Variants in LHFPL5 observed in about 807,000 individuals in gnomAD.
LHFPL5 encodes the protein LHFPL tetraspan subfamily member 5, also known as LHFPL tetraspan subfamily member 5 protein.
Under a neutral mutation model 18.7 loss-of-function variants are expected in LHFPL5, and 12 were observed. The ratio of observed to expected loss-of-function variants is 0.64; its 90% CI spans 0.41 to 1.04. The LOEUF is 1.04. Among genes scored for constraint, LHFPL5 ranks in the 50% least tolerant of loss-of-function variants. The pLI is 0.00. For missense variants in LHFPL5, 259 were observed against 292.1 expected, an observed-to-expected ratio of 0.89 and a Z score of 0.83; for synonymous variants, 111 against 120.2, an observed-to-expected ratio of 0.92 and a Z score of 0.50.
intron 2 of LHFPL5, among the ~76,000 whole-genome samples, chr6:35,818,351 ATTTTTTTT>A (rs766409391): frequency 1.8e-4 from 19 of 106,916 alleles, no homozygotes; most frequent in African/African-American, 3.8e-4. Flanking sequence ...ATATATATGT[ATTTTTTTT>A]TTTTTTTTTT....
chr6:35,816,301 G>A (rs577333804), intron 2 of LHFPL5, among the ~76,000 whole-genome samples: 274 of 145,424 alleles, frequency 1.9e-3, no homozygotes, highest in Middle Eastern at 3.8e-3. Flanking sequence ...AGCTGAGATC[G>A]CGCCACTGCA....
At position 35,814,848 on chromosome 6, in the gene LHFPL5, C is replaced by T; in HGVS notation, c.649+66C>T. 7.1e-7 allele frequency: 1 copy of T among 1,408,164 alleles called. No homozygotes were observed. Among genetic ancestry groups the T allele is most frequent in the South Asian group, 1.2e-5 (1 of 86,720 alleles). 87.2% of individuals were successfully genotyped at this position (1,408,164 alleles called of 1,614,324 possible). A position where few individuals can be genotyped will look rare whatever the true frequency, so the allele number is the denominator to read the frequency against. On this transcript the variant is annotated intron_variant, in intron 2 of 3. Transcript: ENST00000360215. The surrounding 1 kb of genome is among the most constrained non-coding windows in gnomAD (Gnocchi z 4.2). ...CCCTGGGATGTGGGTGGGGGTTCATCTTAGCCAGTCCTCTAAGGCTTGGTC... is the reference window on the plus strand; with the variant it reads ...CCCTGGGATGTGGGTGGGGGTTCATTTTAGCCAGTCCTCTAAGGCTTGGTC...
intron 3 of LHFPL5, among the ~76,000 whole-genome samples, chr6:35,820,424 G>T (rs567870361): frequency 6.6e-6 from 1 of 152,158 alleles, no homozygotes; most frequent in Admixed American, 6.5e-5. Context: ...AAGAGGACCG[G>T]GCGCGGTGAC....
intron 1 of LHFPL5, among the ~76,000 whole-genome samples, chr6:35,809,346 G>A (rs1186911851): frequency 1.3e-5 from 2 of 152,112 alleles, no homozygotes; most frequent in African/African-American, 4.8e-5. Context: ...GGAGCCTGGA[G>A]GTCTGAGATC....
At chr6:35,821,519 T>C (rs1223353979) in intron 3 of LHFPL5, among the ~76,000 whole-genome samples, 1 of 149,680 alleles carries the variant, frequency 6.7e-6, no homozygotes, top group East Asian at 2.0e-4. Context: ...TTCAGTCTTG[T>C]TGCCCAGGCT....
intron 3 of LHFPL5, among the ~76,000 whole-genome samples, chr6:35,821,943 AG>A (rs1453658460): frequency 7.4e-6 from 1 of 134,770 alleles, no homozygotes; most frequent in Non-Finnish European, 1.5e-5. Context: ...GCACAATCAC[AG>A]CTCATTGAAG....
At chr6:35,819,572 C>A in intron 3 of LHFPL5, 109 bp downstream of exon 3, 2 of 1,036,058 alleles carry the variant, frequency 1.9e-6, no homozygotes, top group Non-Finnish European at 3.0e-6. Flanking sequence ...GGCTGTAAGG[C>A]TGTGATGCTG....
Position 35,805,442 on chromosome 6 carries a change from G to A in LHFPL5, c.-229G>A, listed in dbSNP as rs1768552176. The A allele has an allele frequency of 8.8e-6, 5 of 569,242 alleles. No individual in the cohort carries two copies. Among genetic ancestry groups the A allele is most frequent in the Non-Finnish European group, 1.6e-5 (5 of 316,134 alleles). The allele number at this position is 569,242 out of a possible 1,614,324, so 35.3% of individuals were successfully genotyped here. On this transcript the variant is annotated 5_prime_UTR_variant, in exon 1 of 4. Coordinates refer to ENST00000360215, the MANE Select transcript of LHFPL5 (RefSeq NM_182548.4). The surrounding 1 kb of genome is among the most constrained non-coding windows in gnomAD (Gnocchi z 4.3). ...GGGAGGAGGCAGGAGACTGGAGACA[G>A]CCTCGGCTAGAGCGGACACAGGCAC...
intron 3 of LHFPL5, among the ~76,000 whole-genome samples, chr6:35,819,999 G>A (rs935150478): frequency 3.3e-5 from 5 of 151,868 alleles, no homozygotes; most frequent in African/African-American, 4.8e-5. Context: ...CTTGAAAGGC[G>A]GAAAAAGATC....
chr6:35,818,351 ATTTTTTTTT>A (rs766409391), intron 2 of LHFPL5, among the ~76,000 whole-genome samples: 2 of 106,916 alleles, frequency 1.9e-5, no homozygotes, highest in African/African-American at 3.8e-5. Flanking sequence ...ATATATATGT[ATTTTTTTTT>A]TTTTTTTTTT....
At position 35,805,808 on chromosome 6, in the gene LHFPL5, G is replaced by A. The variant is rs1392041588; in HGVS notation, c.138G>A (p.Gln46=). The A allele has an allele frequency of 1.9e-6, 3 of 1,614,206 alleles. No homozygotes were observed. Among genetic ancestry groups the A allele is most frequent in the Non-Finnish European group, 1.7e-6 (2 of 1,180,044 alleles). ...TACTGGTCATGGCCCTCTTCATCCA[G>A]CCCTACTGGATCGGCGACAGCGTCA... ...FSVLVMALFI[Q]PYWIGDSVNT... is the part of the protein sequence containing the mutation. Residue 46 remains glutamine, a synonymous_variant, in exon 1 of 4, where the codon CAG becomes CAA. Transcript: ENST00000360215. The surrounding 1 kb of genome is among the most constrained non-coding windows in gnomAD (Gnocchi z 4.3).
chr6:35,813,792 C>CTTTTTTTT (rs1012092184), intron 1 of LHFPL5, among the ~76,000 whole-genome samples: 2 of 121,538 alleles, frequency 1.6e-5, no homozygotes, highest in African/African-American at 6.6e-5. Context: ...TTTCCTTTTC[C>CTTTTTTTT]TTTTTTTTTT....
Position 35,814,477 on chromosome 6 carries a change from C to A in LHFPL5, c.413-69C>A. ...GGGAGGTGACAACATAACAGCAGTG[C>A]AAGGTGTGGGAGGTAGCGGGCTAGG... On this transcript the variant is annotated intron_variant, in intron 1 of 3. Coordinates refer to ENST00000360215, the MANE Select transcript of LHFPL5 (RefSeq NM_182548.4). The surrounding 1 kb of genome is among the most constrained non-coding windows in gnomAD (Gnocchi z 4.2). 1 of 1,184,714 alleles carries A rather than the reference C, an allele frequency of 8.4e-7. No homozygotes were observed. Among genetic ancestry groups the A allele is most frequent in the Non-Finnish European group, 1.3e-6 (1 of 788,880 alleles). The allele number at this position is 1,184,714 out of a possible 1,614,324, so 73.4% of individuals were successfully genotyped here. A position where few individuals can be genotyped will look rare whatever the true frequency, so the allele number is the denominator to read the frequency against.
Position 35,814,863 on chromosome 6 carries a change from A to G in LHFPL5, c.649+81A>G. 10 of 1,295,328 alleles carry G rather than the reference A, an allele frequency of 7.7e-6. No individual in the cohort carries two copies. The highest frequency in any genetic ancestry group is 1.0e-5 in the Non-Finnish European group (9 of 891,074). 80.2% of individuals were successfully genotyped at this position (1,295,328 alleles called of 1,614,324 possible). A position where few individuals can be genotyped will look rare whatever the true frequency, so the allele number is the denominator to read the frequency against. On this transcript the variant is annotated intron_variant, in intron 2 of 3. Coordinates refer to ENST00000360215, the MANE Select transcript of LHFPL5 (RefSeq NM_182548.4). This position sits in a 1 kb window ranked among gnomAD's most constrained non-coding sequence, Gnocchi z 4.2. ...GGGGGTTCATCTTAGCCAGTCCTCTAAGGCTTGGTCCCTGGCCAAGGGATG... is the reference window on the plus strand; with the variant it reads ...GGGGGTTCATCTTAGCCAGTCCTCTGAGGCTTGGTCCCTGGCCAAGGGATG...
intron 1 of LHFPL5, among the ~76,000 whole-genome samples, chr6:35,812,250 C>T (rs1414844521): frequency 6.6e-6 from 1 of 152,170 alleles, no homozygotes; most frequent in Non-Finnish European, 1.5e-5. Flanking sequence ...TTTGTTTGAC[C>T]TCCTGACCTT....
In LHFPL5 at chr6:35,806,293, C is replaced by A. The variant is rs192695070; in HGVS notation, c.412+211C>A. On this transcript the variant is annotated intron_variant, in intron 1 of 3. Coordinates refer to ENST00000360215, the MANE Select transcript of LHFPL5 (RefSeq NM_182548.4). Reference sequence around the variant, plus strand: ...GACCTTAGAGACCAAGCTGTCCAACCCTCTCATCCTACAGATGAGGTTCTG... The same window carrying A: ...GACCTTAGAGACCAAGCTGTCCAACACTCTCATCCTACAGATGAGGTTCTG... Among the ~76,000 whole-genome samples, 97 of 152,242 alleles carry A rather than the reference C, an allele frequency of 6.4e-4. 1 individual carries two copies. The highest frequency in any genetic ancestry group is 3.4e-3 in the Middle Eastern group (1 of 294).
At chr6:35,818,872 C>T (rs1768817420) in intron 2 of LHFPL5, among the ~76,000 whole-genome samples, 2 of 152,032 alleles carry the variant, frequency 1.3e-5, no homozygotes, top group Middle Eastern at 3.4e-3. Flanking sequence ...CCCGTCATCA[C>T]CCGGGCTGGA....
intron 1 of LHFPL5, among the ~76,000 whole-genome samples, chr6:35,813,533 G>A (rs951986616): frequency 3.3e-5 from 5 of 151,302 alleles, no homozygotes; most frequent in South Asian, 2.1e-4. Context: ...GTGAGCCACC[G>A]CACCCGGCCT....
At chr6:35,808,524 G>GTATA (rs139602455) in intron 1 of LHFPL5, among the ~76,000 whole-genome samples, 37 of 120,582 alleles carry the variant, frequency 3.1e-4, no homozygotes, top group African/African-American at 1.1e-3. Context: ...AAAATATTGA[G>GTATA]TATATATATA....
Sources: gnomAD v4.1 joint callset for allele counts (sites outside exome capture counted in the v4.1 genomes callset) on GRCh38, gnomAD v4.1.1 for gene constraint, Gnocchi (gnomAD v3.1) non-coding constraint, MANE v1.5 for transcripts, NCBI Gene and HGNC (gene_info 2026-07-23, HGNC 2026-07-21) for gene names.